The following CDK14 variants were observed in gnomAD, a reference collection of about 807,000 sequenced individuals.
The protein encoded by CDK14 is cyclin dependent kinase 14.
CDK14 carries 34 observed loss-of-function variants against 60.7 expected under a neutral mutation model. The ratio of observed to expected loss-of-function variants is 0.56; its 90% CI spans 0.43 to 0.75. The LOEUF (loss-of-function observed/expected upper bound fraction) is 0.75. CDK14 is among the 30% of genes least tolerant of loss of function. The pLI is 0.00. For synonymous variants in CDK14, 197 were observed against 203.7 expected (o/e 0.97, Z 0.28); for missense variants, 482 against 564.1 (o/e 0.85, Z 1.47).
chr7:90,679,277 G>T (rs1801266802), intron 2 of CDK14, among the ~76,000 whole-genome samples: 1 of 152,190 alleles, frequency 6.6e-6, no homozygotes. Context: ...CTAGCTCAGA[G>T]ATAATATTGT....
intron 11 of CDK14, among the ~76,000 whole-genome samples, chr7:91,059,681 G>C (rs1482472619): frequency 3.3e-5 from 5 of 152,202 alleles, no homozygotes; most frequent in Non-Finnish European, 7.3e-5. Flanking sequence ...TCATTCAGGA[G>C]CAGGTTGTTC....
At chr7:91,045,810 A>T (rs1797215220) in intron 10 of CDK14, 87 bp from the exon 11 acceptor site, 1 of 799,328 alleles carries the variant, frequency 1.3e-6, no homozygotes, top group African/African-American at 1.7e-5. Flanking sequence ...GTTTCATAAT[A>T]TGTAGTGTAC....
chr7:90,829,782 C>T (rs113820610), intron 5 of CDK14, among the ~76,000 whole-genome samples: 1,849 of 152,278 alleles, frequency 0.012, 48 homozygotes, highest in African/African-American at 0.042. Context: ...ATACACCCGC[C>T]TCGGCCTCCC....
chr7:90,799,690 C>CAAAAAAAAAAAAAAA (rs11353946), intron 5 of CDK14, among the ~76,000 whole-genome samples: 1 of 53,532 alleles, frequency 1.9e-5, no homozygotes, highest in Non-Finnish European at 3.3e-5. Flanking sequence ...AACTCCATCT[C>CAAAAAAAAAAAAAAA]AAAAAAAAAA....
chr7:91,037,119 C>T (rs1008603925), intron 10 of CDK14, among the ~76,000 whole-genome samples: 1 of 152,172 alleles, frequency 6.6e-6, no homozygotes, highest in African/African-American at 2.4e-5. Context: ...CCATCTTGAA[C>T]GATCAATTAA....
chr7:90,605,234 G>C (rs954561378), intron 2 of CDK14, among the ~76,000 whole-genome samples: 3 of 152,192 alleles, frequency 2.0e-5, no homozygotes, highest in African/African-American at 7.2e-5. Context: ...TGCTCAGAGA[G>C]AACCTGCTCC....
rs115556735 is a variant in CDK14, at chr7:90,884,920, T to C, written c.640-14371T>C. ...AAACTGGAACCCTTCCTTAATGCCT[T>C]ATACAAAATTTAGTGCAAGATGGCT... On this transcript the variant is annotated intron_variant, in intron 6 of 14. Coordinates refer to ENST00000380050, the MANE Select transcript of CDK14 (RefSeq NM_001287135.2). 7.0e-3 allele frequency among the ~76,000 whole-genome samples: 1,072 copies of C among 152,262 alleles called. 17 individuals carry two copies. Among genetic ancestry groups the C allele is most frequent in the African/African-American group, 0.025 (1,036 of 41,552 alleles).
At chr7:90,680,233 A>G (rs940109702) in intron 2 of CDK14, among the ~76,000 whole-genome samples, 31 of 152,176 alleles carry the variant, frequency 2.0e-4, no homozygotes, top group Admixed American at 2.0e-3. Flanking sequence ...TAATGATATT[A>G]GAAGGACATC....
chr7:90,885,168 A>C (rs1314624046), intron 6 of CDK14, among the ~76,000 whole-genome samples: 1 of 152,196 alleles, frequency 6.6e-6, no homozygotes, highest in African/African-American at 2.4e-5. Flanking sequence ...AATAGGAGAA[A>C]ATTTTTGCAA....
At chr7:90,762,737 G>A (rs1362996903) in intron 4 of CDK14, among the ~76,000 whole-genome samples, 1 of 152,156 alleles carries the variant, frequency 6.6e-6, no homozygotes, top group Non-Finnish European at 1.5e-5. Flanking sequence ...TATAATCCTA[G>A]CACTTTGGGA....
chr7:90,774,427 A>G (rs761099341), intron 4 of CDK14, among the ~76,000 whole-genome samples: 5 of 152,180 alleles, frequency 3.3e-5, no homozygotes, highest in Non-Finnish European at 7.4e-5. Context: ...TTTAGAACAG[A>G]CCTTTAGATT....
At position 91,041,403 on chromosome 7, in the gene CDK14, G is replaced by A. The variant is rs117895302; in HGVS notation, c.1042-4494G>A. 2.0e-3 allele frequency among the ~76,000 whole-genome samples: 303 copies of A among 152,220 alleles called. 1 individual carries two copies. Among genetic ancestry groups the A allele is most frequent in the Non-Finnish European group, 3.6e-3 (244 of 68,028 alleles). Reference sequence around the variant, plus strand: ...ATTTCCAGCTGCCCAATCTTGACCTGCAGGCATTTCTAACATTTAATAGAT... The same window carrying A: ...ATTTCCAGCTGCCCAATCTTGACCTACAGGCATTTCTAACATTTAATAGAT... On this transcript the variant is annotated intron_variant, in intron 10 of 14. Transcript: ENST00000380050.
intron 10 of CDK14, among the ~76,000 whole-genome samples, chr7:91,040,286 G>A (rs889461028): frequency 6.6e-6 from 1 of 152,108 alleles, no homozygotes; most frequent in Non-Finnish European, 1.5e-5. Context: ...GAATTAGGCG[G>A]TTCTGCTTTC....
chr7:91,032,193 G>A (rs1242729670), intron 10 of CDK14, among the ~76,000 whole-genome samples: 1 of 152,088 alleles, frequency 6.6e-6, no homozygotes. Context: ...TAAAATAATA[G>A]GTGTAAAATT....
chr7:90,790,994 G>A (rs1805807941), intron 5 of CDK14, among the ~76,000 whole-genome samples: 1 of 152,060 alleles, frequency 6.6e-6, no homozygotes, highest in Non-Finnish European at 1.5e-5. Flanking sequence ...GATTTTTAAG[G>A]AAAAATCTTT....
chr7:91,146,599 A>G (rs1399509201), intron 14 of CDK14, among the ~76,000 whole-genome samples: 3 of 152,218 alleles, frequency 2.0e-5, no homozygotes, highest in Non-Finnish European at 4.4e-5. Flanking sequence ...ATATTTTAAT[A>G]CGTATTCAAT....
chr7:91,074,210 C>G (rs1366934597), intron 11 of CDK14, among the ~76,000 whole-genome samples: 1 of 152,204 alleles, frequency 6.6e-6, no homozygotes. Context: ...TTCTCAGTCC[C>G]ACATGACACT....
At chr7:90,988,425 C>T (rs1795436670) in intron 10 of CDK14, among the ~76,000 whole-genome samples, 1 of 152,150 alleles carries the variant, frequency 6.6e-6, no homozygotes. Flanking sequence ...TAACTCTGCT[C>T]TTAGGTGGAA....
chr7:90,839,839 TC>T (rs1176033351), intron 5 of CDK14, among the ~76,000 whole-genome samples: 1 of 152,214 alleles, frequency 6.6e-6, no homozygotes, highest in African/African-American at 2.4e-5. Flanking sequence ...AAGTTTTTTT[TC>T]CTTTTTGAAA....
Sources: gnomAD v4.1 joint callset for allele counts (sites outside exome capture counted in the v4.1 genomes callset) on GRCh38, gnomAD v4.1.1 for gene constraint, MANE v1.5 for transcripts, NCBI Gene and HGNC (gene_info 2026-07-23, HGNC 2026-07-21) for gene names.